Variants in ANK2 observed in about 807,000 individuals in gnomAD.
The protein encoded by ANK2 is ankyrin-2.
ANK2 carries 83 observed loss-of-function variants against 360.5 expected under a neutral mutation model. The ratio of observed to expected loss-of-function variants is 0.23; its 90% CI spans 0.19 to 0.28. The LOEUF is 0.28. Ranked by LOEUF, ANK2 falls within the 10% of genes least tolerant of loss-of-function variation. The probability of loss-of-function intolerance (pLI) is 1.00; values close to 1 mark genes in which losing one functional copy is unlikely to be tolerated. For synonymous variants in ANK2, 1,740 were observed against 1,759.5 expected, an observed-to-expected ratio of 0.99 and a Z score of 0.28; for missense variants, 4,201 against 4,795.7, an observed-to-expected ratio of 0.88 and a Z score of 3.66.
the ANK2 span, among the ~76,000 whole-genome samples, chr4:112,763,086 GAAT>G: frequency 3.9e-5 from 6 of 152,214 alleles, no homozygotes; most frequent in Admixed American, 2.0e-4. Flanking sequence ...AACATGTGAT[GAAT>G]AATCATTTAA....
At chr4:112,823,492 T>C (rs17045010) in intron 1 of ANK2, among the ~76,000 whole-genome samples, 2,343 of 151,618 alleles carry the variant, frequency 0.015, 36 homozygotes, top group South Asian at 0.028. Flanking sequence ...TATTAGTTGT[T>C]AATGGTCCTA....
intron 1 of ANK2, chr4:113,145,736 C>T (rs1005021354): frequency 4.8e-5 from 56 of 1,167,600 alleles, no homozygotes; most frequent in Non-Finnish European, 5.6e-5. Flanking sequence ...TGGTGAGGGG[C>T]GTGGAAGGGA....
intron 1 of ANK2, among the ~76,000 whole-genome samples, chr4:113,064,384 G>T (rs949148935): frequency 6.6e-6 from 1 of 152,088 alleles, no homozygotes; most frequent in African/African-American, 2.4e-5. Context: ...TTTACCATAC[G>T]CAGGTGCCAA....
intron 2 of ANK2, among the ~76,000 whole-genome samples, chr4:112,910,666 A>G (rs1026162522): frequency 1.3e-5 from 2 of 152,210 alleles, no homozygotes; most frequent in Admixed American, 6.5e-5. Context: ...TGCACTTGGC[A>G]GATCTGCAAA....
chr4:113,204,722 T>C (rs1013919023), intron 4 of ANK2, among the ~76,000 whole-genome samples: 4 of 152,100 alleles, frequency 2.6e-5, no homozygotes, highest in African/African-American at 9.7e-5. Flanking sequence ...TACCTCAGTC[T>C]TTCCCACTAA....
chr4:113,076,833 C>T (rs1424049800), intron 1 of ANK2, among the ~76,000 whole-genome samples: 1 of 151,526 alleles, frequency 6.6e-6, no homozygotes, highest in Admixed American at 6.6e-5. Flanking sequence ...AATAAGACAG[C>T]TGTATTATAC....
intron 2 of ANK2, among the ~76,000 whole-genome samples, chr4:112,972,857 A>G (rs1582266967): frequency 6.6e-6 from 1 of 152,220 alleles, no homozygotes; most frequent in Non-Finnish European, 1.5e-5. Context: ...AAATGAAACA[A>G]TGTCTTTTGC....
At chr4:112,739,121 C>T in the ANK2 span, 2 of 445,164 alleles carry the variant, frequency 4.5e-6, no homozygotes, top group Non-Finnish European at 8.5e-6. Flanking sequence ...CTCATATGCA[C>T]GTTTTGTGTT....
intron 1 of ANK2, among the ~76,000 whole-genome samples, chr4:113,090,390 C>T (rs1446147634): frequency 1.3e-5 from 2 of 151,988 alleles, no homozygotes; most frequent in Non-Finnish European, 2.9e-5. Context: ...AAACAGATAT[C>T]CTCTTGATTA....
chr4:112,895,168 A>T (rs1328417933), intron 1 of ANK2, among the ~76,000 whole-genome samples: 1 of 152,182 alleles, frequency 6.6e-6, no homozygotes, highest in African/African-American at 2.4e-5. Context: ...CTTAATGGAA[A>T]TTTTTGTTGT....
chr4:113,050,091 T>A (rs762053035), intron 1 of ANK2, among the ~76,000 whole-genome samples: 8 of 152,204 alleles, frequency 5.3e-5, no homozygotes, highest in Non-Finnish European at 1.0e-4. Context: ...CCGTGGCCAC[T>A]GATGGATTCT....
intron 13 of ANK2, 70 bp from the exon 14 acceptor site, chr4:113,264,827 G>T: frequency 6.8e-7 from 1 of 1,477,414 alleles, no homozygotes; most frequent in Non-Finnish European, 9.2e-7. Flanking sequence ...CACAAAAAGG[G>T]ACAACTTTAT....
intron 2 of ANK2, among the ~76,000 whole-genome samples, chr4:113,031,717 A>T (rs568766924): frequency 6.6e-6 from 1 of 152,010 alleles, no homozygotes; most frequent in Non-Finnish European, 1.5e-5. Context: ...GGAGGTAGCT[A>T]GGAGAAGCTT....
At chr4:112,842,076 C>T (rs2062212798) in intron 1 of ANK2, among the ~76,000 whole-genome samples, 1 of 151,838 alleles carries the variant, frequency 6.6e-6, no homozygotes, top group Non-Finnish European at 1.5e-5. Flanking sequence ...GTGATATGAT[C>T]TCAGCTCACT....
At chr4:112,766,651 C>T in the ANK2 span, among the ~76,000 whole-genome samples, 1 of 152,110 alleles carries the variant, frequency 6.6e-6, no homozygotes, top group Non-Finnish European at 1.5e-5. Context: ...GGCTTATATC[C>T]CTCTACCCTC....
At chr4:113,016,452 G>A (rs557303307) in intron 2 of ANK2, among the ~76,000 whole-genome samples, 7 of 152,076 alleles carry the variant, frequency 4.6e-5, no homozygotes, top group African/African-American at 1.7e-4. Context: ...CATATTTTTG[G>A]CAACTATCCT....
chr4:113,354,026 A>G lies in ANK2; in HGVS notation c.5408A>G (p.His1803Arg). The G allele has an allele frequency of 2.5e-6, 4 of 1,614,082 alleles. No individual in the cohort carries two copies. Among genetic ancestry groups the G allele is most frequent in the Non-Finnish European group, 3.4e-6 (4 of 1,179,982 alleles). Residue 1803 changes from histidine (H) to arginine (R), a missense_variant, in exon 38 of 46, where the codon CAC (histidine) becomes CGC (arginine). His to Arg is a conservative substitution (Grantham distance 29). This residue lies in a region of ANK2 where 2,642 missense variants were observed against 2,714.5 expected (regional missense o/e 0.97). Coordinates refer to ENST00000357077, the MANE Select transcript of ANK2 (RefSeq NM_001148.6). Reference sequence around the variant, plus strand: ...GAGGACGTGCCAAAAAAGACCACCCACAGGCCACATCCAGCTGCGTCACCC... The same window carrying G: ...GAGGACGTGCCAAAAAAGACCACCCGCAGGCCACATCCAGCTGCGTCACCC... ...GKEDVPKKTT[H>R]RPHPAASPSL...
chr4:113,063,711 A>G (rs531017011), intron 1 of ANK2, among the ~76,000 whole-genome samples: 3 of 152,300 alleles, frequency 2.0e-5, no homozygotes, highest in African/African-American at 7.2e-5. Context: ...ATGATATTTT[A>G]TCTCATACAA....
intron 38 of ANK2, among the ~76,000 whole-genome samples, chr4:113,359,791 A>G (rs951318627): frequency 7.9e-5 from 12 of 152,192 alleles, no homozygotes; most frequent in Non-Finnish European, 1.2e-4. Flanking sequence ...ATGAAATTCT[A>G]ATTGTTGTGG....
Sources: gnomAD v4.1 joint callset for allele counts (sites outside exome capture counted in the v4.1 genomes callset) on GRCh38, gnomAD v4.1.1 for gene constraint, gnomAD v4.1.1 regional missense constraint, MANE v1.5 for transcripts, NCBI Gene and HGNC (gene_info 2026-07-23, HGNC 2026-07-21) for gene names.